The following PPM1H variants were observed in gnomAD, a reference collection of about 807,000 sequenced individuals.
The protein encoded by PPM1H is protein phosphatase 1H.
In PPM1H, 27 loss-of-function variants were observed where a neutral mutation model predicts 54.9. The ratio of observed to expected loss-of-function variants is 0.49; its 90% CI spans 0.36 to 0.68. PPM1H has a LOEUF of 0.68. PPM1H is among the 30% of genes least tolerant of loss of function. The pLI is 0.00. For missense variants in PPM1H, 596 were observed against 667.8 expected, an observed-to-expected ratio of 0.89 and a Z score of 1.19; for synonymous variants, 305 against 270.8, an observed-to-expected ratio of 1.13 and a Z score of -1.24.
intron 4 of PPM1H, among the ~76,000 whole-genome samples, chr12:62,774,204 C>G (rs981496054): frequency 6.6e-6 from 1 of 152,164 alleles, no homozygotes; most frequent in African/African-American, 2.4e-5. Flanking sequence ...GAAACCGGCT[C>G]AGAGAGTGAA....
intron 5 of PPM1H, among the ~76,000 whole-genome samples, chr12:62,730,708 TCTC>T (rs1288992526): frequency 6.6e-6 from 1 of 151,968 alleles, no homozygotes; most frequent in Non-Finnish European, 1.5e-5. Context: ...AAGGGGAAAA[TCTC>T]CTCAGATTAT....
At chr12:62,806,359 C>T (rs536682956) in intron 2 of PPM1H, among the ~76,000 whole-genome samples, 1 of 152,292 alleles carries the variant, frequency 6.6e-6, no homozygotes, top group South Asian at 2.1e-4. Context: ...GTGATTTGAG[C>T]ACTTTCTATG....
intron 4 of PPM1H, chr12:62,755,872 G>A (rs1302852574): frequency 6.4e-6 from 5 of 785,540 alleles, no homozygotes; most frequent in Non-Finnish European, 9.1e-6. Flanking sequence ...GTGCTGCTAA[G>A]GTTGTGGGCA....
intron 9 of PPM1H, among the ~76,000 whole-genome samples, chr12:62,657,608 G>C (rs1419892724): frequency 6.6e-6 from 1 of 152,176 alleles, no homozygotes; most frequent in Non-Finnish European, 1.5e-5. Flanking sequence ...CCAGTAATTG[G>C]TATGGTGAAA....
intron 2 of PPM1H, among the ~76,000 whole-genome samples, chr12:62,831,761 A>G (rs73135674): frequency 0.071 from 10,541 of 147,716 alleles, 495 homozygotes; most frequent in Middle Eastern, 0.15. Context: ...ATATTCGTGT[A>G]TATATATATA....
At chr12:62,925,711 C>T (rs951953261) in intron 1 of PPM1H, among the ~76,000 whole-genome samples, 1 of 152,200 alleles carries the variant, frequency 6.6e-6, no homozygotes, top group Admixed American at 6.5e-5. Context: ...TACAAACCTT[C>T]AAGCCATATA....
At chr12:62,766,566 CA>C (rs145714301) in intron 4 of PPM1H, among the ~76,000 whole-genome samples, 22 of 149,152 alleles carry the variant, frequency 1.5e-4, no homozygotes, top group Middle Eastern at 3.4e-3. Flanking sequence ...GCCACAGAAA[CA>C]AAAAAAAAAT....
At position 62,654,873 on chromosome 12, in the gene PPM1H, T is replaced by C. The variant is rs772851111; in HGVS notation, c.1398-6237A>G. Among the ~76,000 whole-genome samples the C allele has an allele frequency of 1.7e-4, 26 of 152,306 alleles. 1 individual carries two copies. Among genetic ancestry groups the C allele is most frequent in the Non-Finnish European group, 2.9e-4 (20 of 68,016 alleles). On this transcript the variant is annotated intron_variant, in intron 9 of 9. Coordinates refer to ENST00000228705, the MANE Select transcript of PPM1H (RefSeq NM_020700.2). ...TCAGAAGCGTAAGGACAGCCCCGCC[T>C]GAGGGAGAAGTTTAGGGAAGATTCC...
chr12:62,851,553 A>G (rs1050494047), intron 1 of PPM1H, among the ~76,000 whole-genome samples: 1 of 152,100 alleles, frequency 6.6e-6, no homozygotes, highest in Admixed American at 6.5e-5. Context: ...AAATACAAAA[A>G]TTAGCCAGGC....
intron 4 of PPM1H, among the ~76,000 whole-genome samples, chr12:62,769,668 C>CTGT (rs1264907629): frequency 6.6e-6 from 1 of 152,140 alleles, no homozygotes; most frequent in Non-Finnish European, 1.5e-5. Flanking sequence ...CCCTGAGGGA[C>CTGT]TGTTGATGGG....
chr12:62,685,379 G>C (rs762223635), intron 8 of PPM1H, among the ~76,000 whole-genome samples: 5 of 152,184 alleles, frequency 3.3e-5, no homozygotes, highest in African/African-American at 4.8e-5. Context: ...ACCAGTACTT[G>C]GTACGTCCCT....
chr12:62,699,589 G>T (rs968643342), intron 6 of PPM1H, among the ~76,000 whole-genome samples: 1 of 152,198 alleles, frequency 6.6e-6, no homozygotes, highest in Non-Finnish European at 1.5e-5. Context: ...ACAGTAGAGG[G>T]TGGACAATGA....
chr12:62,801,788 G>C, intron 3 of PPM1H, 28 bp downstream of exon 3: 1 of 1,610,572 alleles, frequency 6.2e-7, no homozygotes, highest in South Asian at 1.1e-5. Context: ...GCCTGGCCCT[G>C]CTGCCCCAGA....
intron 6 of PPM1H, among the ~76,000 whole-genome samples, chr12:62,713,732 G>T (rs1290723443): frequency 6.6e-6 from 1 of 152,154 alleles, no homozygotes; most frequent in African/African-American, 2.4e-5. Flanking sequence ...GCTTTGGGAG[G>T]CTGAGGCAGG....
At chr12:62,926,683 G>A (rs1427775874) in intron 1 of PPM1H, among the ~76,000 whole-genome samples, 4 of 152,242 alleles carry the variant, frequency 2.6e-5, no homozygotes, top group African/African-American at 7.2e-5. Flanking sequence ...GGTCAGGTGC[G>A]GTGGCTCACT....
At chr12:62,675,056 A>G (rs2075978090) in intron 8 of PPM1H, among the ~76,000 whole-genome samples, 4 of 152,348 alleles carry the variant, frequency 2.6e-5, no homozygotes, top group Non-Finnish European at 5.9e-5. Context: ...ATCCAGTGAC[A>G]CTGAAGTGTT....
intron 2 of PPM1H, among the ~76,000 whole-genome samples, chr12:62,813,576 A>G (rs1592612378): frequency 1.3e-5 from 2 of 152,250 alleles, no homozygotes; most frequent in East Asian, 1.9e-4. Context: ...CACATAGTAG[A>G]CAACAGGTTA....
At chr12:62,719,296 A>G (rs1279513534) in intron 6 of PPM1H, among the ~76,000 whole-genome samples, 2 of 152,150 alleles carry the variant, frequency 1.3e-5, no homozygotes, top group Non-Finnish European at 2.9e-5. Context: ...GAGATAAGAA[A>G]ATCTACTTAA....
chr12:62,894,228 G>A (rs1283458870), intron 1 of PPM1H, among the ~76,000 whole-genome samples: 1 of 152,146 alleles, frequency 6.6e-6, no homozygotes, highest in Non-Finnish European at 1.5e-5. Context: ...TAGATGACGG[G>A]AATAACTTCC....
Sources: gnomAD v4.1 joint callset for allele counts (sites outside exome capture counted in the v4.1 genomes callset) on GRCh38, gnomAD v4.1.1 for gene constraint, MANE v1.5 for transcripts, NCBI Gene and HGNC (gene_info 2026-07-23, HGNC 2026-07-21) for gene names.